NKAIN2: variants seen among roughly 807,000 people sequenced by gnomAD.
NKAIN2 encodes the protein sodium/potassium transporting ATPase interacting 2.
A neutral mutation model predicts 32.6 loss-of-function variants in NKAIN2; 14 were observed. The ratio of observed to expected loss-of-function variants is 0.43; its 90% CI spans 0.28 to 0.67. The LOEUF (loss-of-function observed/expected upper bound fraction) is 0.67, where lower values mean the gene tolerates loss of function less well. Ranked by LOEUF, NKAIN2 falls within the 30% of genes least tolerant of loss-of-function variation. The probability of loss-of-function intolerance (pLI) is 0.17; values close to 1 mark genes in which losing one functional copy is unlikely to be tolerated. For missense variants in NKAIN2, 198 were observed against 258.3 expected, an observed-to-expected ratio of 0.77 and a Z score of 1.60; for synonymous variants, 80 against 87.2, an observed-to-expected ratio of 0.92 and a Z score of 0.46.
chr6:124,345,272 A>G (rs1390204523), intron 2 of NKAIN2, among the ~76,000 whole-genome samples: 2 of 152,160 alleles, frequency 1.3e-5, no homozygotes, highest in Non-Finnish European at 2.9e-5. Context: ...AATGTTCATC[A>G]AGGATATTGG....
intron 1 of NKAIN2, among the ~76,000 whole-genome samples, chr6:123,816,258 A>T (rs535811767): frequency 6.6e-6 from 1 of 152,180 alleles, no homozygotes; most frequent in East Asian, 1.9e-4. Context: ...TTCATGGTTG[A>T]ACTTGAGCTC....
At chr6:123,932,817 A>G (rs173105) in intron 1 of NKAIN2, among the ~76,000 whole-genome samples, 115,042 of 149,096 alleles carry the variant, frequency 0.77, 44,710 homozygotes, top group East Asian at 0.91. Context: ...TTCATTTTGC[A>G]TCACCAGTGC....
intron 1 of NKAIN2, among the ~76,000 whole-genome samples, chr6:124,224,566 A>G (rs1205855155): frequency 1.3e-5 from 2 of 152,124 alleles, no homozygotes; most frequent in Non-Finnish European, 2.9e-5. Context: ...GACAAAAATC[A>G]TTACAGTTCT....
chr6:124,803,480 T>A (rs1291003133), intron 5 of NKAIN2, among the ~76,000 whole-genome samples: 1 of 152,158 alleles, frequency 6.6e-6, no homozygotes, highest in Non-Finnish European at 1.5e-5. Context: ...AGCCCCAAAT[T>A]CTTTGTGTTC....
intron 1 of NKAIN2, among the ~76,000 whole-genome samples, chr6:124,118,081 G>T (rs1042486609): frequency 1.3e-5 from 2 of 151,880 alleles, no homozygotes; most frequent in Non-Finnish European, 2.9e-5. Context: ...CTTGTATTCT[G>T]GAGGTTTAAA....
At chr6:124,773,960 C>G (rs1049398628) in intron 4 of NKAIN2, among the ~76,000 whole-genome samples, 5 of 151,982 alleles carry the variant, frequency 3.3e-5, no homozygotes, top group African/African-American at 1.2e-4. Context: ...AGTAGGAGAA[C>G]AAGAGGAGGA....
intron 5 of NKAIN2, among the ~76,000 whole-genome samples, chr6:124,804,972 G>A (rs1434869000): frequency 1.3e-5 from 2 of 152,210 alleles, no homozygotes; most frequent in Admixed American, 1.3e-4. Context: ...GGCTTGCTTA[G>A]GTAAACAAAG....
intron 3 of NKAIN2, among the ~76,000 whole-genome samples, chr6:124,435,080 G>A (rs80109085): frequency 0.029 from 4,465 of 152,216 alleles, 221 homozygotes; most frequent in African/African-American, 0.1. Flanking sequence ...ACTAATCAGA[G>A]TGAGCTAAAA....
chr6:124,019,403 GA>G (rs35356108), intron 1 of NKAIN2, among the ~76,000 whole-genome samples: 60,764 of 150,826 alleles, frequency 0.4, 12,893 homozygotes, highest in East Asian at 0.61. Flanking sequence ...ACATAGGAGT[GA>G]AAAAAAAACT....
At chr6:124,419,917 G>C (rs1774670993) in intron 3 of NKAIN2, among the ~76,000 whole-genome samples, 1 of 151,940 alleles carries the variant, frequency 6.6e-6, no homozygotes, top group Admixed American at 6.6e-5. Context: ...TTTGCACACT[G>C]TCTGTCTTGT....
At chr6:124,412,795 G>C (rs1356891588) in intron 3 of NKAIN2, among the ~76,000 whole-genome samples, 1 of 152,182 alleles carries the variant, frequency 6.6e-6, no homozygotes, top group Non-Finnish European at 1.5e-5. Flanking sequence ...AGGCAGGCAG[G>C]CCTCCTTGAT....
chr6:124,744,110 G>A (rs930525226), intron 4 of NKAIN2, among the ~76,000 whole-genome samples: 1 of 151,660 alleles, frequency 6.6e-6, no homozygotes, highest in African/African-American at 2.4e-5. Flanking sequence ...GGATGGCTTG[G>A]AAACAGAGCA....
rs1283875917 is a variant in NKAIN2 at position 124,147,894 on chromosome 6, A to G, written c.55-135111A>G. Among the ~76,000 whole-genome samples the G allele has an allele frequency of 3.3e-5, 5 of 152,160 alleles. No individual in the cohort carries two copies. The East Asian group carries it at 7.7e-4, about 23-fold the overall frequency. ...CTTTTTTATATAAAGGGCCAGGACC[A>G]TGGATATTTAGAGTATAAAAACTTC... On this transcript the variant is annotated intron_variant, in intron 1 of 6. Coordinates refer to ENST00000368417, the MANE Select transcript of NKAIN2 (RefSeq NM_001040214.3).
intron 3 of NKAIN2, among the ~76,000 whole-genome samples, chr6:124,579,421 ACAAT>A (rs1480264435): frequency 6.6e-6 from 1 of 152,368 alleles, no homozygotes; most frequent in South Asian, 2.1e-4. Flanking sequence ...ATAATTAAAA[ACAAT>A]CAAGAAATTC....
intron 3 of NKAIN2, among the ~76,000 whole-genome samples, chr6:124,456,050 T>C (rs1477051218): frequency 6.6e-6 from 1 of 151,884 alleles, no homozygotes; most frequent in Non-Finnish European, 1.5e-5. Flanking sequence ...TGACATTTTT[T>C]TTTCTTTCAG....
At chr6:124,401,526 T>G (rs1461597883) in intron 3 of NKAIN2, among the ~76,000 whole-genome samples, 1 of 152,190 alleles carries the variant, frequency 6.6e-6, no homozygotes, top group Non-Finnish European at 1.5e-5. Flanking sequence ...CCTGAAATAC[T>G]TACTCCTTGA....
intron 1 of NKAIN2, among the ~76,000 whole-genome samples, chr6:124,162,445 GAAA>G (rs1788329500): frequency 6.6e-6 from 1 of 152,084 alleles, no homozygotes; most frequent in Non-Finnish European, 1.5e-5. Flanking sequence ...CTACTGATTA[GAAA>G]AATTGGCACA....
chr6:123,928,208 C>A lies in NKAIN2; in HGVS notation c.54+123954C>A, dbSNP rs1190048257. Among the ~76,000 whole-genome samples, 2 of 152,100 alleles carry A rather than the reference C, an allele frequency of 1.3e-5. 1 individual carries two copies. The highest frequency in any genetic ancestry group is 4.1e-4 in the South Asian group (2 of 4,828). ...CAGTGGGAGCTAAACATTGAGTACT[C>A]ATGGACATAAAGATGAGAACAGCAG... On this transcript the variant is annotated intron_variant, in intron 1 of 6. Transcript: ENST00000368417.
chr6:124,272,801 G>A (rs115146912), intron 1 of NKAIN2, among the ~76,000 whole-genome samples: 6,243 of 152,220 alleles, frequency 0.041, 389 homozygotes, highest in African/African-American at 0.14. Context: ...CAAGGCCTTG[G>A]GAGCCCACCC....
Sources: gnomAD v4.1 joint callset for allele counts (sites outside exome capture counted in the v4.1 genomes callset) on GRCh38, gnomAD v4.1.1 for gene constraint, MANE v1.5 for transcripts, NCBI Gene and HGNC (gene_info 2026-07-23, HGNC 2026-07-21) for gene names.